The following FAAH2 variants were observed in gnomAD, a reference collection of about 807,000 sequenced individuals.
FAAH2 encodes fatty-acid amide hydrolase 2.
Under a neutral mutation model 36.9 loss-of-function variants are expected in FAAH2, and 60 were observed. The ratio of observed to expected loss-of-function variants is 1.63; its 90% CI spans 1.32 to 2.02. The LOEUF is 2.02. Ranked by LOEUF, FAAH2 falls within the 30% of genes most tolerant of loss-of-function variation. The pLI is 0.00. For synonymous variants in FAAH2, 214 were observed against 143.8 expected, an observed-to-expected ratio of 1.49 and a Z score of -3.49; for missense variants, 689 against 397.5, an observed-to-expected ratio of 1.73 and a Z score of -6.23.
At chrX:57,235,740 GC>G in the FAAH2 span, among the ~76,000 whole-genome samples, 7 of 112,060 alleles carry the variant, frequency 6.2e-5, no homozygotes, top group African/African-American at 2.3e-4. Context: ...CGTTGTCTAT[GC>G]TTATGCAATA....
At chrX:57,256,113 G>A in the FAAH2 span, among the ~76,000 whole-genome samples, 6 of 111,959 alleles carry the variant, frequency 5.4e-5, no homozygotes, top group Non-Finnish European at 1.1e-4. Flanking sequence ...AAAATCACAA[G>A]CATTGCTGTA....
At chrX:57,371,674 A>C (rs1263512479) in intron 5 of FAAH2, among the ~76,000 whole-genome samples, 1 of 109,491 alleles carries the variant, frequency 9.1e-6, no homozygotes, top group African/African-American at 3.3e-5. Flanking sequence ...CTTCAGAAAC[A>C]GGGGATACAT....
At chrX:57,367,165 C>T (rs1002416965) in intron 5 of FAAH2, among the ~76,000 whole-genome samples, 5 of 112,539 alleles carry the variant, frequency 4.4e-5, no homozygotes, top group Admixed American at 1.9e-4. Context: ...TAAGTGATAA[C>T]GTATTCAGAT....
At chrX:57,173,137 G>C in the FAAH2 span, among the ~76,000 whole-genome samples, 2 of 111,743 alleles carry the variant, frequency 1.8e-5, no homozygotes, top group Non-Finnish European at 3.8e-5. Flanking sequence ...TTTTTATAGG[G>C]ACTGCATTGC....
the FAAH2 span, among the ~76,000 whole-genome samples, chrX:57,239,122 A>T: frequency 8.9e-6 from 1 of 111,756 alleles, no homozygotes; most frequent in Admixed American, 9.5e-5. Context: ...TTGCTATTGC[A>T]AATAGTGCTC....
intron 2 of FAAH2, among the ~76,000 whole-genome samples, chrX:57,295,997 G>A (rs1394637856): frequency 9.0e-6 from 1 of 111,576 alleles, no homozygotes; most frequent in Admixed American, 9.4e-5. Context: ...AAGGAGGCCT[G>A]CCTGCCTCTG....
At chrX:57,150,590 CT>C in the FAAH2 span, among the ~76,000 whole-genome samples, 1 of 111,356 alleles carries the variant, frequency 9.0e-6, no homozygotes, top group Admixed American at 9.5e-5. Flanking sequence ...AACCTCTGCC[CT>C]TTTTTGTTTT....
At chrX:57,329,465 G>T (rs1351850819) in intron 3 of FAAH2, among the ~76,000 whole-genome samples, 3 of 110,592 alleles carry the variant, frequency 2.7e-5, no homozygotes, top group Non-Finnish European at 1.9e-5. Flanking sequence ...ACTGAAAGTA[G>T]GTACTGTTGG....
intron 7 of FAAH2, chrX:57,393,567 A>T: frequency 2.1e-6 from 2 of 941,168 alleles, no homozygotes; most frequent in East Asian, 3.1e-5. Context: ...GTGCCCTCCA[A>T]TCTCTGCATG....
At chrX:57,375,180 T>C (rs745981560) in intron 5 of FAAH2, among the ~76,000 whole-genome samples, 1 of 109,575 alleles carries the variant, frequency 9.1e-6, no homozygotes, top group South Asian at 4.0e-4. Flanking sequence ...TCTGTAGTTG[T>C]TTTTTTGTTG....
rs144117570 is a variant in FAAH2 at position 57,322,040 on chromosome X, ATT to A, written c.413-9545_413-9544del. On this transcript the variant is annotated intron_variant, in intron 3 of 10. Coordinates refer to ENST00000374900, the MANE Select transcript of FAAH2 (RefSeq NM_174912.4). ...GGCTGAACATGAAACTCCAGATTGC[ATT>A]TTTTTTTTTTTTGAGACGGAGTCTC... is the stretch of plus-strand genomic sequence containing the variant. Among the ~76,000 whole-genome samples the A allele has an allele frequency of 1.4e-3, 134 of 98,037 alleles. 1 individual carries two copies. Among genetic ancestry groups the A allele is most frequent in the Middle Eastern group, 0.011 (2 of 187 alleles). 85.1% of individuals were successfully genotyped at this position (98,037 alleles called of 115,157 possible).
At chrX:57,411,093 T>C (rs1459809843) in intron 7 of FAAH2, among the ~76,000 whole-genome samples, 1 of 112,053 alleles carries the variant, frequency 8.9e-6, no homozygotes, top group Non-Finnish European at 1.9e-5. Flanking sequence ...GAAAGATCTT[T>C]ACCAGTGAGC....
At chrX:57,227,192 G>T in the FAAH2 span, among the ~76,000 whole-genome samples, 2 of 110,792 alleles carry the variant, frequency 1.8e-5, no homozygotes, top group South Asian at 3.9e-4. Context: ...TCCATTGCTG[G>T]TGAACTCGGG....
chrX:57,271,806 CT>C, the FAAH2 span, among the ~76,000 whole-genome samples: 1 of 110,896 alleles, frequency 9.0e-6, no homozygotes, highest in Non-Finnish European at 1.9e-5. Flanking sequence ...AAAAAAAGTG[CT>C]AAAAGGATAT....
chrX:57,411,296 C>A (rs928493432), intron 7 of FAAH2, among the ~76,000 whole-genome samples: 1 of 111,823 alleles, frequency 8.9e-6, no homozygotes, highest in Admixed American at 9.5e-5. Flanking sequence ...AGTTTATATG[C>A]CCTCTCTCAA....
At chrX:57,386,948 G>A (rs762163657) in intron 7 of FAAH2, among the ~76,000 whole-genome samples, 5 of 112,084 alleles carry the variant, frequency 4.5e-5, no homozygotes, top group Non-Finnish European at 9.4e-5. Context: ...TGAAATACAT[G>A]TGAATTCATT....
At chrX:57,143,799 T>C in the FAAH2 span, among the ~76,000 whole-genome samples, 5 of 111,817 alleles carry the variant, frequency 4.5e-5, no homozygotes, top group Non-Finnish European at 9.4e-5. Flanking sequence ...TTGATAGCTT[T>C]GTCTTTTAGT....
At chrX:57,371,975 T>C (rs2054564050) in intron 5 of FAAH2, among the ~76,000 whole-genome samples, 2 of 112,000 alleles carry the variant, frequency 1.8e-5, no homozygotes, top group East Asian at 2.8e-4. Flanking sequence ...GCAAAGGTCA[T>C]GATTTTCTTC....
chrX:57,436,910 C>T (rs1602658253), intron 8 of FAAH2, among the ~76,000 whole-genome samples: 1 of 110,962 alleles, frequency 9.0e-6, no homozygotes, highest in East Asian at 2.8e-4. Flanking sequence ...ATACCAAAAC[C>T]ATACAAGAAC....
Sources: allele counts gnomAD v4.1 joint callset (sites outside exome capture counted in the v4.1 genomes callset), GRCh38; gene constraint gnomAD v4.1.1; transcripts MANE v1.5; gene names NCBI Gene and HGNC (gene_info 2026-07-23, HGNC 2026-07-21).